Variants in COL21A1 observed in about 807,000 individuals in gnomAD.
COL21A1 encodes the protein collagen type XXI alpha 1 chain.
A neutral mutation model predicts 137.9 loss-of-function variants in COL21A1; 149 were observed. That is an observed-to-expected ratio of 1.08 (90% CI 0.95 to 1.24). COL21A1 has a LOEUF of 1.24. Among genes scored for constraint, COL21A1 ranks in the 50% most tolerant of loss-of-function variants. The pLI is 0.00. For synonymous variants in COL21A1, 456 were observed against 391.5 expected (o/e 1.16, Z -1.95); for missense variants, 1,167 against 1,158.4 (o/e 1.01, Z -0.11).
chr6:56,204,103 C>T (rs1336907414), intron 1 of COL21A1, among the ~76,000 whole-genome samples: 1 of 151,822 alleles, frequency 6.6e-6, no homozygotes, highest in Non-Finnish European at 1.5e-5. Context: ...TTTTTAATAC[C>T]CCAGTGTCAC....
chr6:56,352,855 A>G (rs918745238), intron 1 of COL21A1, among the ~76,000 whole-genome samples: 2 of 152,208 alleles, frequency 1.3e-5, no homozygotes, highest in Non-Finnish European at 2.9e-5. Flanking sequence ...GCCTGGGCCA[A>G]CATGGCAAAA....
intron 12 of COL21A1, among the ~76,000 whole-genome samples, chr6:56,132,569 A>G (rs1181064859): frequency 6.6e-6 from 1 of 152,202 alleles, no homozygotes; most frequent in Non-Finnish European, 1.5e-5. Context: ...TGGAAATTTA[A>G]TGGAAATAAA....
At chr6:56,281,680 T>G (rs9349808) in intron 1 of COL21A1, among the ~76,000 whole-genome samples, 40,333 of 152,138 alleles carry the variant, frequency 0.27, 5,792 homozygotes, top group Non-Finnish European at 0.33. Flanking sequence ...ATCTGAAGCA[T>G]CACTTCCATG....
At chr6:56,165,943 C>T (rs1295178070) in intron 7 of COL21A1, among the ~76,000 whole-genome samples, 1 of 151,116 alleles carries the variant, frequency 6.6e-6, no homozygotes, top group Non-Finnish European at 1.5e-5. Context: ...CACACACACA[C>T]ACACTCCATG....
chr6:56,063,665 G>C (rs1294613184), intron 24 of COL21A1, among the ~76,000 whole-genome samples: 2 of 151,964 alleles, frequency 1.3e-5, no homozygotes, highest in Non-Finnish European at 2.9e-5. Flanking sequence ...CCACGTTGCA[G>C]ATAACCTTGG....
At chr6:56,244,410 C>T (rs988197368) in intron 1 of COL21A1, among the ~76,000 whole-genome samples, 3 of 152,168 alleles carry the variant, frequency 2.0e-5, no homozygotes, top group Admixed American at 6.5e-5. Context: ...TATATGTCTC[C>T]ATTTTTCCCA....
intron 20 of COL21A1, among the ~76,000 whole-genome samples, chr6:56,071,195 T>A (rs1193901088): frequency 6.6e-6 from 1 of 151,598 alleles, no homozygotes; most frequent in Non-Finnish European, 1.5e-5. Context: ...ATCTTCAGTA[T>A]GCAACTGAAG....
chr6:56,209,259 A>G (rs967027317), intron 1 of COL21A1, among the ~76,000 whole-genome samples: 11 of 152,220 alleles, frequency 7.2e-5, no homozygotes, highest in Admixed American at 2.0e-4. Flanking sequence ...CAAAGGCAAC[A>G]AAAGCCAAAA....
chr6:56,105,601 C>T (rs890618991), intron 16 of COL21A1, among the ~76,000 whole-genome samples: 1 of 152,090 alleles, frequency 6.6e-6, no homozygotes, highest in Non-Finnish European at 1.5e-5. Context: ...TTGGGTATAA[C>T]ATGATTTCCA....
chr6:56,196,367 A>AG (rs1779025747), intron 1 of COL21A1, among the ~76,000 whole-genome samples: 2 of 152,140 alleles, frequency 1.3e-5, no homozygotes, highest in South Asian at 2.1e-4. Context: ...AGTCCTAGCC[A>AG]AACCAATCAG....
At chr6:56,257,806 A>G (rs1763141936) in intron 1 of COL21A1, among the ~76,000 whole-genome samples, 1 of 152,196 alleles carries the variant, frequency 6.6e-6, no homozygotes, top group African/African-American at 2.4e-5. Flanking sequence ...TTAAAAATGT[A>G]AAAACCATTT....
intron 3 of COL21A1, among the ~76,000 whole-genome samples, chr6:56,174,482 A>C (rs1021115183): frequency 1.3e-5 from 2 of 152,098 alleles, no homozygotes; most frequent in African/African-American, 4.8e-5. Flanking sequence ...GAGATATTAC[A>C]ATTGATGCCA....
At chr6:56,317,889 A>C (rs1276256683) in intron 1 of COL21A1, among the ~76,000 whole-genome samples, 2 of 152,178 alleles carry the variant, frequency 1.3e-5, no homozygotes, top group Non-Finnish European at 2.9e-5. Flanking sequence ...AAAAAATAAG[A>C]ATAGTCTATT....
At chr6:56,248,245 C>A (rs558710380), upstream of COL21A1, among the ~76,000 whole-genome samples, 4 of 152,230 alleles carry the variant, frequency 2.6e-5, no homozygotes, top group South Asian at 8.3e-4. Context: ...CCGTGTGCAC[C>A]CCTCCTACCC....
At chr6:56,339,861 AG>A (rs1765426573) in intron 1 of COL21A1, among the ~76,000 whole-genome samples, 1 of 152,186 alleles carries the variant, frequency 6.6e-6, no homozygotes, top group Admixed American at 6.5e-5. Flanking sequence ...ATAATGGATA[AG>A]TTTATAGGGA....
chr6:56,153,067 A>G (rs1326116294), intron 10 of COL21A1, among the ~76,000 whole-genome samples: 1 of 152,246 alleles, frequency 6.6e-6, no homozygotes, highest in African/African-American at 2.4e-5. Flanking sequence ...GTCATATGAC[A>G]TCTTAAGTAA....
chr6:56,084,625 C>T (rs929371667), intron 17 of COL21A1, among the ~76,000 whole-genome samples: 5 of 151,920 alleles, frequency 3.3e-5, no homozygotes, highest in African/African-American at 1.2e-4. Flanking sequence ...GTCAAATATA[C>T]AATACATAAT....
At chr6:56,327,859 T>C (rs1478730006) in intron 1 of COL21A1, among the ~76,000 whole-genome samples, 2 of 152,038 alleles carry the variant, frequency 1.3e-5, no homozygotes, top group Non-Finnish European at 2.9e-5. Flanking sequence ...CAACCATCCA[T>C]AGAATGCCTG....
chr6:56,093,069 T>C (rs770416261), intron 17 of COL21A1, among the ~76,000 whole-genome samples: 5 of 152,140 alleles, frequency 3.3e-5, no homozygotes, highest in Non-Finnish European at 7.3e-5. Flanking sequence ...TAGTGTGACA[T>C]TTAGGGTCCA....
Sources: allele counts gnomAD v4.1 joint callset (sites outside exome capture counted in the v4.1 genomes callset), GRCh38; gene constraint gnomAD v4.1.1; transcripts MANE v1.5; gene names NCBI Gene and HGNC (gene_info 2026-07-23, HGNC 2026-07-21).